Variants in OTOP1 observed in about 807,000 individuals in gnomAD.
OTOP1 encodes proton channel OTOP1.
A neutral mutation model predicts 52.9 loss-of-function variants in OTOP1; 59 were observed. The observed-to-expected ratio is 1.12, with a 90% CI of 0.91 to 1.39. The LOEUF (loss-of-function observed/expected upper bound fraction) is 1.39. Ranked by LOEUF, OTOP1 falls within the 40% of genes most tolerant of loss-of-function variation. OTOP1 has a pLI of 0.00. For synonymous variants in OTOP1, 317 were observed against 337.7 expected (o/e 0.94, Z 0.67); for missense variants, 761 against 800.9 (o/e 0.95, Z 0.60).
At chr4:4,205,014 C>T (rs1349595749) in intron 3 of OTOP1, among the ~76,000 whole-genome samples, 7 of 152,138 alleles carry the variant, frequency 4.6e-5, no homozygotes, top group African/African-American at 1.7e-4. Context: ...CTTCGTGATC[C>T]GCCCACCTGG....
At chr4:4,217,928 G>A (rs1369680953) in intron 1 of OTOP1, among the ~76,000 whole-genome samples, 1 of 152,190 alleles carries the variant, frequency 6.6e-6, no homozygotes, top group Non-Finnish European at 1.5e-5. Context: ...AGGTATAATG[G>A]ATGGAGAGAC....
chr4:4,213,270 C>A (rs1375609543), intron 1 of OTOP1, among the ~76,000 whole-genome samples: 5 of 152,172 alleles, frequency 3.3e-5, no homozygotes, highest in Non-Finnish European at 7.4e-5. Flanking sequence ...GATAAAAGAT[C>A]TAAATATAAA....
chr4:4,211,350 T>C (rs1274038715), intron 2 of OTOP1, among the ~76,000 whole-genome samples: 3 of 152,202 alleles, frequency 2.0e-5, no homozygotes, highest in Non-Finnish European at 4.4e-5. Flanking sequence ...AACAAGTTCA[T>C]GGTCTTCCAG....
chr4:4,202,899 C>A (rs889051398), intron 3 of OTOP1, among the ~76,000 whole-genome samples: 7 of 152,192 alleles, frequency 4.6e-5, no homozygotes, highest in Non-Finnish European at 7.3e-5. Flanking sequence ...AGACAACCCA[C>A]CCCACCACAC....
At chr4:4,208,601 C>G (rs544358996) in intron 2 of OTOP1, among the ~76,000 whole-genome samples, 2 of 152,150 alleles carry the variant, frequency 1.3e-5, no homozygotes, top group East Asian at 3.9e-4. Context: ...GAAAGTAGAA[C>G]AGAGTTTGCC....
intron 3 of OTOP1, 37 bp from the exon 4 acceptor site, chr4:4,202,615 G>A (rs1716814894): frequency 6.2e-7 from 1 of 1,610,322 alleles, no homozygotes; most frequent in African/African-American, 1.3e-5. Context: ...AAGCAGCCCT[G>A]GGAGAGCCTC....
intron 5 of OTOP1, among the ~76,000 whole-genome samples, chr4:4,191,205 A>T (rs1195647306): frequency 1.3e-5 from 2 of 149,748 alleles, no homozygotes; most frequent in Non-Finnish European, 3.0e-5. Context: ...GCGCATCTCC[A>T]CTCTGTGCCT....
In OTOP1 at chr4:4,193,604, C is replaced by T. The variant is rs1454752261; in HGVS notation, c.1668+3562G>A. Among the ~76,000 whole-genome samples, 5 of 152,154 alleles carry T rather than the reference C, an allele frequency of 3.3e-5. No homozygotes were observed. The South Asian group carries it at 6.2e-4, about 19-fold the overall frequency. ...AGCCAGCACGGGTATCCTAAGACTC[C>T]ACCCTGCAATGATTTCCATCCTCTG... On this transcript the variant is annotated intron_variant, in intron 5 of 5. Transcript: ENST00000296358.
intron 4 of OTOP1, among the ~76,000 whole-genome samples, chr4:4,199,460 T>C (rs114904162): frequency 1.3e-5 from 2 of 152,084 alleles, no homozygotes; most frequent in African/African-American, 2.4e-5. Flanking sequence ...GTTGCCCAGG[T>C]TGGAGTGCTG....
Position 4,197,885 on chromosome 4 carries a change from G to A in OTOP1, c.949C>T (p.Leu317=), listed in dbSNP as rs1716685056. The change falls in exon 5 of 6, where the codon CTG becomes TTG. Residue 317 remains leucine (L), a synonymous_variant. Transcript: ENST00000296358. ...GTGGCGGCCAGCACGGTCAGGCCCA[G>A]GACTGCGCCCACCATGACCCCATCA... The part of the protein sequence containing the change: ...KSDGVMVGAV[L]GLTVLAATIA... The A allele has an allele frequency of 3.7e-6, 6 of 1,613,930 alleles. No homozygotes were observed. The South Asian group carries it at 5.5e-5, about 15-fold the overall frequency.
rs553397205 is a variant in OTOP1 at position 4,226,732 on chromosome 4, G to T, written c.133C>A (p.Arg45=). 5 of 1,394,378 alleles carry T rather than the reference G, an allele frequency of 3.6e-6. No individual in the cohort carries two copies. Among genetic ancestry groups the T allele is most frequent in the South Asian group, 3.2e-5 (2 of 62,342 alleles). 86.4% of individuals were successfully genotyped at this position (1,394,378 alleles called of 1,614,324 possible). A position where few individuals can be genotyped will look rare whatever the true frequency, so the allele number is the denominator to read the frequency against. The change falls in exon 1 of 6, where the codon CGG becomes AGG. Residue 45 remains arginine, a synonymous_variant. Transcript: ENST00000296358. ...APRSPESPAP[R]RGGVRASVPQ... ...ACGCTGGCGCGCACACCGCCCCGCCGGGGGGCCGGGGATTCCGGGGACCTC... is the reference window on the plus strand; with the variant it reads ...ACGCTGGCGCGCACACCGCCCCGCCTGGGGGCCGGGGATTCCGGGGACCTC...
chr4:4,203,477 C>CT (rs1197765788), intron 3 of OTOP1, among the ~76,000 whole-genome samples: 2 of 152,204 alleles, frequency 1.3e-5, no homozygotes, highest in African/African-American at 2.4e-5. Context: ...GTCTTCCAGT[C>CT]TGACTCCAGA....
chr4:4,206,493 T>C (rs1716910155), intron 2 of OTOP1, among the ~76,000 whole-genome samples: 2 of 152,230 alleles, frequency 1.3e-5, no homozygotes, highest in South Asian at 4.1e-4. Context: ...AGTTTTCATC[T>C]AAGAAATATT....
intron 1 of OTOP1, among the ~76,000 whole-genome samples, chr4:4,226,238 T>C (rs1037617592): frequency 6.6e-6 from 1 of 152,022 alleles, no homozygotes; most frequent in African/African-American, 2.4e-5. Context: ...GCTGTAATGA[T>C]GGAAGCGTCT....
chr4:4,202,481 G>C lies in OTOP1; in HGVS notation c.697C>G (p.Leu233Val), dbSNP rs1386434704. Residue 233 changes from leucine (L) to valine (V), a missense_variant, in exon 4 of 6, where the codon CTC (leucine) becomes GTC (valine). Physicochemically the swap from Leu to Val is conservative, Grantham distance 32. This residue lies in a region of OTOP1 where 632 missense variants were observed against 619.5 expected (regional missense o/e 1.02). Transcript: ENST00000296358. ...ATGTTCCCAAAACCCAGAGTGATGA[G>C]CCGTTCCTTGTGCTCATTGAGTTGG... is the stretch of plus-strand genomic sequence containing the variant. ...KHQLNEHKER[L>V]ITLGFGNITT... is the part of the protein sequence containing the mutation. 4 of 1,614,040 alleles carry C rather than the reference G, an allele frequency of 2.5e-6. No homozygotes were observed.
At chr4:4,189,273 C>T (rs1716451884) in intron 5 of OTOP1, among the ~76,000 whole-genome samples, 1 of 152,108 alleles carries the variant, frequency 6.6e-6, no homozygotes, top group Non-Finnish European at 1.5e-5. Context: ...CCTCGGTTTC[C>T]TCATTTGAAA....
At chr4:4,199,887 A>G (rs1425381498) in intron 4 of OTOP1, among the ~76,000 whole-genome samples, 1 of 152,250 alleles carries the variant, frequency 6.6e-6, no homozygotes, top group African/African-American at 2.4e-5. Flanking sequence ...AGAATAGGAC[A>G]GAATGGAGTG....
At chr4:4,191,739 A>G (rs1716513126) in intron 5 of OTOP1, among the ~76,000 whole-genome samples, 2 of 152,106 alleles carry the variant, frequency 1.3e-5, no homozygotes, top group Admixed American at 1.3e-4. Context: ...ACACAGGTAC[A>G]CTATAAGGTG....
At chr4:4,206,168 G>C (rs1716901439) in intron 2 of OTOP1, 38 bp from the exon 3 acceptor site, 1 of 1,505,704 alleles carries the variant, frequency 6.6e-7, no homozygotes, top group Admixed American at 1.7e-5. Flanking sequence ...AAATCGGTGA[G>C]ACACTCATCT....
Sources: allele counts gnomAD v4.1 joint callset (sites outside exome capture counted in the v4.1 genomes callset), GRCh38; gene constraint gnomAD v4.1.1; regional missense constraint gnomAD v4.1.1; transcripts MANE v1.5; gene names NCBI Gene and HGNC (gene_info 2026-07-23, HGNC 2026-07-21).